The following LRRTM4 variants were observed in gnomAD, a reference collection of about 807,000 sequenced individuals.
The protein encoded by LRRTM4 is leucine-rich repeat transmembrane neuronal protein 4.
A neutral mutation model predicts 47.6 loss-of-function variants in LRRTM4; 25 were observed. The ratio of observed to expected loss-of-function variants is 0.53; its 90% confidence interval spans 0.38 to 0.73. The LOEUF is 0.73. LRRTM4 is among the 30% of genes least tolerant of loss of function. LRRTM4 has a pLI of 0.00. For missense variants in LRRTM4, 638 were observed against 713.4 expected, an observed-to-expected ratio of 0.89 and a Z score of 1.20; for synonymous variants, 311 against 269.5, an observed-to-expected ratio of 1.15 and a Z score of -1.51.
chr2:77,241,383 C>T (rs773771269), intron 3 of LRRTM4, among the ~76,000 whole-genome samples: 2 of 152,054 alleles, frequency 1.3e-5, no homozygotes, highest in East Asian at 1.9e-4. Flanking sequence ...TATCTCAATG[C>T]ATACCTTGCA....
At chr2:76,804,944 A>G (rs1040310046) in intron 3 of LRRTM4, among the ~76,000 whole-genome samples, 1 of 152,024 alleles carries the variant, frequency 6.6e-6, no homozygotes, top group African/African-American at 2.4e-5. Context: ...ACAATTTTCT[A>G]AATATTTGAG....
intron 3 of LRRTM4, among the ~76,000 whole-genome samples, chr2:77,141,845 A>G (rs1275941982): frequency 3.3e-5 from 5 of 152,184 alleles, no homozygotes. Context: ...AGTATCACCA[A>G]TCAACAGTTA....
chr2:77,146,873 T>C (rs1192543031), intron 3 of LRRTM4, among the ~76,000 whole-genome samples: 2 of 152,154 alleles, frequency 1.3e-5, no homozygotes, highest in Non-Finnish European at 2.9e-5. Context: ...TTCTTTCTTA[T>C]CAAAAATTAC....
At chr2:77,379,882 G>T (rs540779293) in intron 3 of LRRTM4, among the ~76,000 whole-genome samples, 2 of 152,074 alleles carry the variant, frequency 1.3e-5, no homozygotes, top group African/African-American at 4.8e-5. Flanking sequence ...CTTGTAGTTG[G>T]TCTATCTTTA....
intron 3 of LRRTM4, among the ~76,000 whole-genome samples, chr2:77,326,718 A>C (rs893853660): frequency 6.6e-6 from 1 of 152,168 alleles, no homozygotes; most frequent in African/African-American, 2.4e-5. Flanking sequence ...CTTTATAGTC[A>C]AAACGGATTA....
chr2:77,180,822 G>T (rs566138853), intron 3 of LRRTM4, among the ~76,000 whole-genome samples: 8 of 152,140 alleles, frequency 5.3e-5, no homozygotes, highest in East Asian at 1.9e-4. Context: ...AATCTGGAAG[G>T]TTACAGAACA....
chr2:77,169,296 G>T (rs1672980117), intron 3 of LRRTM4, among the ~76,000 whole-genome samples: 1 of 152,088 alleles, frequency 6.6e-6, no homozygotes, highest in Admixed American at 6.6e-5. Context: ...CAGTTTTTGT[G>T]AACATAATTA....
intron 3 of LRRTM4, among the ~76,000 whole-genome samples, chr2:76,795,819 T>A (rs930291489): frequency 2.0e-5 from 3 of 151,834 alleles, no homozygotes; most frequent in Non-Finnish European, 4.4e-5. Context: ...GGAGCCAAGA[T>A]GGCCAAATAG....
intron 3 of LRRTM4, among the ~76,000 whole-genome samples, chr2:76,771,641 G>GAAAAAA (rs748214529): frequency 4.3e-5 from 3 of 69,566 alleles, no homozygotes; most frequent in South Asian, 4.8e-4. Context: ...CAGGTGAACA[G>GAAAAAA]AAAAAAAAAA....
chr2:77,125,617 C>A (rs1199534470), intron 3 of LRRTM4, among the ~76,000 whole-genome samples: 1 of 152,090 alleles, frequency 6.6e-6, no homozygotes, highest in Non-Finnish European at 1.5e-5. Context: ...TCGTTGTTAT[C>A]TAATTGTGCT....
intron 3 of LRRTM4, among the ~76,000 whole-genome samples, chr2:76,857,390 G>T (rs1348984618): frequency 1.3e-5 from 2 of 149,738 alleles, no homozygotes; most frequent in African/African-American, 4.9e-5. Flanking sequence ...TTACATATAT[G>T]AGATATAGAA....
At chr2:77,401,326 A>C (rs1016750229) in intron 3 of LRRTM4, among the ~76,000 whole-genome samples, 5 of 152,006 alleles carry the variant, frequency 3.3e-5, no homozygotes, top group African/African-American at 9.7e-5. Flanking sequence ...TTAAATGGTT[A>C]ATCTCTTACC....
At chr2:76,930,141 C>G (rs1674723207) in intron 3 of LRRTM4, among the ~76,000 whole-genome samples, 1 of 152,024 alleles carries the variant, frequency 6.6e-6, no homozygotes. Context: ...CACAACAAAC[C>G]CATAAAACTT....
chr2:77,362,200 T>C (rs1672270371), intron 3 of LRRTM4, among the ~76,000 whole-genome samples: 1 of 142,662 alleles, frequency 7.0e-6, no homozygotes. Context: ...CTTAATGTCC[T>C]GAAAGAGGTG....
chr2:77,406,616 T>C (rs184718967), intron 3 of LRRTM4, among the ~76,000 whole-genome samples: 42 of 152,168 alleles, frequency 2.8e-4, no homozygotes, highest in African/African-American at 9.4e-4. Flanking sequence ...TGCTCTCTTT[T>C]AGTAATATTA....
intron 3 of LRRTM4, among the ~76,000 whole-genome samples, chr2:77,329,424 A>C (rs1352474086): frequency 6.6e-6 from 1 of 152,190 alleles, no homozygotes; most frequent in Non-Finnish European, 1.5e-5. Context: ...TACTACCATG[A>C]ACACGTTGGA....
intron 3 of LRRTM4, among the ~76,000 whole-genome samples, chr2:77,319,474 C>T (rs1677724901): frequency 6.6e-6 from 1 of 152,014 alleles, no homozygotes; most frequent in Admixed American, 6.6e-5. Context: ...TTCACTCAAC[C>T]ATCTCTTGCT....
chr2:76,782,319 A>G (rs188884082), intron 3 of LRRTM4, among the ~76,000 whole-genome samples: 3 of 152,344 alleles, frequency 2.0e-5, no homozygotes, highest in Non-Finnish European at 2.9e-5. Context: ...CTAAATCTAC[A>G]GTACATATCA....
chr2:76,926,960 C>A (rs74706262), intron 3 of LRRTM4, among the ~76,000 whole-genome samples: 47 of 152,198 alleles, frequency 3.1e-4, no homozygotes, highest in African/African-American at 1.1e-3. Context: ...AGCAAAGATA[C>A]GTGAAAATGT....
Sources: allele counts gnomAD v4.1 joint callset (sites outside exome capture counted in the v4.1 genomes callset), GRCh38; gene constraint gnomAD v4.1.1; transcripts MANE v1.5; gene names NCBI Gene and HGNC (gene_info 2026-07-23, HGNC 2026-07-21).